Variants in BCAS3 observed in about 807,000 individuals in gnomAD.
The protein encoded by BCAS3 is BCAS4/BCAS3 fusion.
A neutral mutation model predicts 116.1 loss-of-function variants in BCAS3; 53 were observed. The ratio of observed to expected loss-of-function variants is 0.46; its 90% CI spans 0.37 to 0.57. The LOEUF (loss-of-function observed/expected upper bound fraction) is 0.57. BCAS3 is among the 20% of genes least tolerant of loss of function. BCAS3 has a pLI of 0.00. For synonymous variants in BCAS3, 391 were observed against 408.2 expected (o/e 0.96, Z 0.51); for missense variants, 917 against 1,165.4 (o/e 0.79, Z 3.10).
At chr17:61,125,001 T>C (rs1036495678) in intron 22 of BCAS3, among the ~76,000 whole-genome samples, 2 of 152,224 alleles carry the variant, frequency 1.3e-5, no homozygotes, top group African/African-American at 2.4e-5. Flanking sequence ...TAATGGTGGC[T>C]TTCATAGGAG....
At chr17:60,848,422 G>A (rs1211676160) in intron 7 of BCAS3, among the ~76,000 whole-genome samples, 11 of 152,226 alleles carry the variant, frequency 7.2e-5, no homozygotes, top group African/African-American at 1.7e-4. Context: ...TAGATTTTGC[G>A]TGTTGATCCT....
intron 22 of BCAS3, among the ~76,000 whole-genome samples, chr17:61,169,774 G>A (rs1054095757): frequency 1.6e-4 from 24 of 152,178 alleles, no homozygotes; most frequent in Admixed American, 8.5e-4. Context: ...GTGGATATGG[G>A]ACCATTTTTA....
At chr17:61,102,280 T>C (rs1334623013) in intron 22 of BCAS3, among the ~76,000 whole-genome samples, 1 of 152,128 alleles carries the variant, frequency 6.6e-6, no homozygotes, top group Non-Finnish European at 1.5e-5. Context: ...GAATTAAAAG[T>C]TAAATAGGAT....
chr17:60,750,166 C>CA (rs772425669), intron 6 of BCAS3, among the ~76,000 whole-genome samples: 5,609 of 121,028 alleles, frequency 0.046, 131 homozygotes, highest in African/African-American at 0.061. Context: ...GACTCCATCT[C>CA]AAAAAAAAAA....
intron 19 of BCAS3, among the ~76,000 whole-genome samples, chr17:61,067,030 G>T (rs938013165): frequency 1.3e-5 from 2 of 151,280 alleles, no homozygotes; most frequent in Non-Finnish European, 3.0e-5. Flanking sequence ...TTCTCTAACC[G>T]ATAAATACCA....
rs144864164 is a variant in BCAS3, at chr17:61,207,038, C to T, written c.2425+122474C>T. ...GCTACAACAGAGTATATTTTTCAAG[C>T]ACCTCTTTATTTGAAGATGCAATAT... is the stretch of plus-strand genomic sequence containing the variant. On this transcript the variant is annotated intron_variant, in intron 22 of 23. Coordinates refer to ENST00000407086, the MANE Select transcript of BCAS3 (RefSeq NM_017679.5). 5.2e-4 allele frequency among the ~76,000 whole-genome samples: 79 copies of T among 151,968 alleles called. No homozygotes were observed. In the East Asian group the frequency reaches 0.012, roughly 23 times the overall value.
Position 61,004,818 on chromosome 17 carries a change from A to G in BCAS3, c.1487-10933A>G, listed in dbSNP as rs943507942. Among the ~76,000 whole-genome samples the G allele has an allele frequency of 2.0e-5, 3 of 152,138 alleles. No homozygotes were observed. The highest frequency in any genetic ancestry group is 4.4e-5 in the Non-Finnish European group (3 of 68,004). On this transcript the variant is annotated intron_variant, in intron 15 of 23. Transcript: ENST00000407086. This position sits in a 1 kb window ranked among gnomAD's most constrained non-coding sequence, Gnocchi z 4.8. ...ACTATTTCAGAATGGACCAAGGTGG[A>G]ATTAACATGGGCACTGTTGTTGTTG...
At chr17:61,190,567 G>A (rs962802101) in intron 22 of BCAS3, among the ~76,000 whole-genome samples, 5 of 146,806 alleles carry the variant, frequency 3.4e-5, no homozygotes, top group African/African-American at 7.5e-5. Flanking sequence ...CCTGGGCTAC[G>A]TAGTGAGACC....
At chr17:60,921,537 C>T (rs931879910) in intron 12 of BCAS3, among the ~76,000 whole-genome samples, 17 of 143,842 alleles carry the variant, frequency 1.2e-4, no homozygotes, top group Non-Finnish European at 2.1e-4. Context: ...GGCGTGAACC[C>T]GGGAGGCGGA....
intron 13 of BCAS3, among the ~76,000 whole-genome samples, chr17:60,941,316 A>G (rs2060211706): frequency 6.6e-6 from 1 of 152,210 alleles, no homozygotes; most frequent in South Asian, 2.1e-4. Context: ...TGGCCAGGCC[A>G]GAGTCTGGTT....
In BCAS3 at chr17:61,286,120, G is replaced by A. The variant is rs779439684; in HGVS notation, c.2426-82207G>A. 1.3e-5 allele frequency among the ~76,000 whole-genome samples: 2 copies of A among 152,158 alleles called. No individual in the cohort carries two copies. The highest frequency in any genetic ancestry group is 2.9e-5 in the Non-Finnish European group (2 of 68,032). ...CCCAGTGTGTGAGTGTGAGTCAACA[G>A]ACTGCTACAAAGTAGCTTAAACTCT... On this transcript the variant is annotated intron_variant, in intron 22 of 23. Transcript: ENST00000407086. The surrounding 1 kb of genome is among the most constrained non-coding windows in gnomAD (Gnocchi z 4.8).
rs114104761 is a variant in BCAS3 at position 61,348,014 on chromosome 17, T to C, written c.2426-20313T>C. ...GTTCAGATTCACATTGTAGAAAAGG[T>C]CACCCAGGTGGCACTAGGAAGAATG... On this transcript the variant is annotated intron_variant, in intron 22 of 23. Transcript: ENST00000407086. This position sits in a 1 kb window ranked among gnomAD's most constrained non-coding sequence, Gnocchi z 4.5. Among the ~76,000 whole-genome samples the C allele has an allele frequency of 1.8e-3, 268 of 152,252 alleles. 1 individual carries two copies. The highest frequency in any genetic ancestry group is 5.6e-3 in the African/African-American group (232 of 41,558).
At chr17:61,293,293 G>C (rs1478541133) in intron 22 of BCAS3, among the ~76,000 whole-genome samples, 1 of 152,122 alleles carries the variant, frequency 6.6e-6, no homozygotes, top group African/African-American at 2.4e-5. Context: ...AAATCGTGCA[G>C]GTTGGAAATC....
chr17:61,299,652 A>G (rs551418484), intron 22 of BCAS3, among the ~76,000 whole-genome samples: 19 of 152,130 alleles, frequency 1.2e-4, no homozygotes, highest in Admixed American at 3.9e-4. Context: ...CTTCACACAC[A>G]GCTATTAGCC....
At chr17:60,742,809 A>G (rs921628782) in intron 5 of BCAS3, among the ~76,000 whole-genome samples, 5 of 151,464 alleles carry the variant, frequency 3.3e-5, no homozygotes, top group African/African-American at 1.2e-4. Flanking sequence ...CAGTAGTACA[A>G]TGGATAAAAT....
At chr17:60,757,886 T>A (rs1298499931) in intron 6 of BCAS3, among the ~76,000 whole-genome samples, 1 of 152,152 alleles carries the variant, frequency 6.6e-6, no homozygotes, top group South Asian at 2.1e-4. Context: ...GTAGTCTTAC[T>A]GTTTTAGGTC....
intron 10 of BCAS3, among the ~76,000 whole-genome samples, chr17:60,901,491 C>T (rs1870660397): frequency 6.6e-6 from 1 of 152,092 alleles, no homozygotes; most frequent in African/African-American, 2.4e-5. Context: ...TGATGATCAC[C>T]TGACATTTGG....
Position 61,237,711 on chromosome 17 carries a change from G to A in BCAS3, c.2426-130616G>A, listed in dbSNP as rs576592434. 2.0e-5 allele frequency among the ~76,000 whole-genome samples: 3 copies of A among 152,298 alleles called. No individual in the cohort carries two copies. The South Asian group carries it at 6.2e-4, about 32-fold the overall frequency. On this transcript the variant is annotated intron_variant, in intron 22 of 23. Coordinates refer to ENST00000407086, the MANE Select transcript of BCAS3 (RefSeq NM_017679.5). Reference sequence around the variant, plus strand: ...GAAGAAAATAGAGACTCAGAGAAACGAAGTAACTTTCCCAAGACTGCTCAG... The same window carrying A: ...GAAGAAAATAGAGACTCAGAGAAACAAAGTAACTTTCCCAAGACTGCTCAG...
chr17:60,943,141 A>G lies in BCAS3; in HGVS notation c.1088-4078A>G, dbSNP rs182911965. Among the ~76,000 whole-genome samples the G allele has an allele frequency of 2.9e-3, 442 of 152,322 alleles. 1 individual carries two copies. The highest frequency in any genetic ancestry group is 3.9e-3 in the Non-Finnish European group (263 of 68,012). On this transcript the variant is annotated intron_variant, in intron 13 of 23. Transcript: ENST00000407086. ...AATTAGCATTTCATAAAAATTGAAT[A>G]TTCCAAATAAATAGTCCCATAACAG...
Sources: gnomAD v4.1 joint callset for allele counts (sites outside exome capture counted in the v4.1 genomes callset) on GRCh38, gnomAD v4.1.1 for gene constraint, Gnocchi (gnomAD v3.1) non-coding constraint, MANE v1.5 for transcripts, NCBI Gene and HGNC (gene_info 2026-07-23, HGNC 2026-07-21) for gene names.